DNAH6: variants seen among roughly 807,000 people sequenced by gnomAD.
DNAH6 encodes axonemal beta dynein heavy chain 6.
In DNAH6, 340 loss-of-function variants were observed where a neutral mutation model predicts 491.4. The ratio of observed to expected loss-of-function variants is 0.69; its 90% CI spans 0.63 to 0.76. The LOEUF (loss-of-function observed/expected upper bound fraction) is 0.76. DNAH6 is among the 30% of genes least tolerant of loss of function. The pLI, the probability that DNAH6 is intolerant of heterozygous loss-of-function variation, is 0.00. For synonymous variants in DNAH6, 1,603 were observed against 1,686.1 expected, an observed-to-expected ratio of 0.95 and a Z score of 1.21; for missense variants, 4,443 against 4,972.2, an observed-to-expected ratio of 0.89 and a Z score of 3.20.
At chr2:84,519,245 T>C (rs1388376665) in intron 2 of DNAH6, among the ~76,000 whole-genome samples, 1 of 151,728 alleles carries the variant, frequency 6.6e-6, no homozygotes, top group Non-Finnish European at 1.5e-5. Context: ...GGGCACCAGC[T>C]GAGGCATTGA....
chr2:84,694,856 G>A (rs559584780), intron 46 of DNAH6, among the ~76,000 whole-genome samples: 114 of 152,138 alleles, frequency 7.5e-4, no homozygotes, highest in African/African-American at 2.7e-3. Flanking sequence ...GCTATCTTTT[G>A]GGTTAAATTA....
intron 23 of DNAH6, among the ~76,000 whole-genome samples, chr2:84,618,446 G>A (rs1040691041): frequency 4.6e-5 from 7 of 152,212 alleles, no homozygotes; most frequent in Non-Finnish European, 5.9e-5. Flanking sequence ...TTACTGGAAA[G>A]AGATTCTAGA....
At chr2:84,523,620 T>C (rs572388486) in intron 2 of DNAH6, among the ~76,000 whole-genome samples, 2 of 152,256 alleles carry the variant, frequency 1.3e-5, no homozygotes, top group South Asian at 4.1e-4. Context: ...TAACACTGCC[T>C]TAACTGTGTC....
intron 11 of DNAH6, among the ~76,000 whole-genome samples, chr2:84,571,301 T>C (rs530462507): frequency 6.6e-6 from 1 of 152,108 alleles, no homozygotes; most frequent in African/African-American, 2.4e-5. Context: ...TAATAAGAAA[T>C]GGGTTATTTA....
At chr2:84,737,121 G>T (rs1464616216) in intron 62 of DNAH6, among the ~76,000 whole-genome samples, 5 of 152,074 alleles carry the variant, frequency 3.3e-5, no homozygotes. Context: ...TTTATGAGGT[G>T]AATCACATTT....
rs1156681210 is a variant in DNAH6, at chr2:84,808,542, T to C, written c.11739T>C (p.His3913=). The change falls in exon 72 of 77, where the codon CAT becomes CAC. Residue 3913 remains histidine, a splice_region_variant and synonymous_variant. Transcript: ENST00000389394. ...DRFNNLLKLI[H]TSLETLNKAI... is the part of the protein sequence containing the mutation. ...TTAACAACCTGCTGAAGTTAATTCA[T>C]GTATGAGAGCTTACTTTCATCATTG... The C allele has an allele frequency of 1.3e-6, 2 of 1,551,650 alleles. No individual in the cohort carries two copies. The highest frequency in any genetic ancestry group is 1.7e-6 in the Non-Finnish European group (2 of 1,146,916).
At chr2:84,636,855 C>T (rs1244054710) in intron 30 of DNAH6, among the ~76,000 whole-genome samples, 1 of 151,604 alleles carries the variant, frequency 6.6e-6, no homozygotes, top group Non-Finnish European at 1.5e-5. Flanking sequence ...GATCATGCCA[C>T]TTGCACCCCA....
upstream of DNAH6, among the ~76,000 whole-genome samples, chr2:84,513,621 G>T (rs75216208): frequency 2.8e-3 from 420 of 151,660 alleles, 21 homozygotes; most frequent in East Asian, 0.067. Flanking sequence ...TGTTTATTCT[G>T]CTAACTCTTG....
intron 70 of DNAH6, among the ~76,000 whole-genome samples, chr2:84,797,892 C>T (rs1446555607): frequency 1.3e-5 from 2 of 152,210 alleles, no homozygotes; most frequent in Non-Finnish European, 2.9e-5. Flanking sequence ...CCCTACATCT[C>T]CAGGCCTTCT....
intron 49 of DNAH6, among the ~76,000 whole-genome samples, chr2:84,702,372 A>G (rs1423526368): frequency 6.6e-6 from 1 of 152,212 alleles, no homozygotes; most frequent in African/African-American, 2.4e-5. Flanking sequence ...TGTCATCATC[A>G]TCATCAGGAA....
chr2:84,785,537 A>G (rs540739779), intron 66 of DNAH6, 73 bp from the exon 67 acceptor site: 1 of 1,367,058 alleles, frequency 7.3e-7, no homozygotes, highest in African/African-American at 1.5e-5. Flanking sequence ...GCTTCAGTCT[A>G]TGTGTGTTAT....
At chr2:84,676,678 A>G (rs1414518343) in intron 40 of DNAH6, among the ~76,000 whole-genome samples, 1 of 152,214 alleles carries the variant, frequency 6.6e-6, no homozygotes, top group African/African-American at 2.4e-5. Context: ...ATGAATAATG[A>G]ATATTTGTTG....
rs1284414036 is a variant in DNAH6 at position 84,713,273 on chromosome 2, G to T, written c.9543+14G>T. The T allele has an allele frequency of 2.6e-6, 4 of 1,547,788 alleles. No individual in the cohort carries two copies. In the Admixed American group the frequency reaches 6.0e-5, roughly 23 times the overall value. On this transcript the variant is annotated intron_variant, in intron 57 of 76. Coordinates refer to ENST00000389394, the MANE Select transcript of DNAH6 (RefSeq NM_001370.2). ...TATCTGCCTGAGGTATGAACTACTG[G>T]TCTGGAATTCTCAACTTAACTGGAT...
At chr2:84,597,012 C>T (rs1432727676) in intron 18 of DNAH6, among the ~76,000 whole-genome samples, 4 of 152,056 alleles carry the variant, frequency 2.6e-5, no homozygotes, top group Admixed American at 2.6e-4. Context: ...AGTAATGTAT[C>T]CAATACAATA....
At chr2:84,585,855 C>G (rs1191022531) in intron 15 of DNAH6, among the ~76,000 whole-genome samples, 1 of 152,126 alleles carries the variant, frequency 6.6e-6, no homozygotes, top group Non-Finnish European at 1.5e-5. Context: ...ACTGATTGGC[C>G]CATGGGGGAT....
At position 84,669,281 on chromosome 2, in the gene DNAH6, T is replaced by C. The variant is rs1369989071; in HGVS notation, c.6085-8T>C. 6.5e-7 allele frequency: 1 copy of C among 1,547,220 alleles called. No homozygotes were observed. The highest frequency in any genetic ancestry group is 1.2e-5 in the South Asian group (1 of 83,984). Reference sequence around the variant, plus strand: ...CTATTGAAAGTGGTGTTTAATTTTGTACTTTAGCTTCCCAATTCTGGTGAT... The same window carrying C: ...CTATTGAAAGTGGTGTTTAATTTTGCACTTTAGCTTCCCAATTCTGGTGAT... On this transcript the variant is annotated splice_region_variant and splice_polypyrimidine_tract_variant and intron_variant, in intron 37 of 76. Transcript: ENST00000389394.
the DNAH6 span, among the ~76,000 whole-genome samples, chr2:84,505,577 A>T: frequency 6.6e-6 from 1 of 151,946 alleles, no homozygotes; most frequent in Non-Finnish European, 1.5e-5. Flanking sequence ...TTATTATTAT[A>T]CTTTAAGTTT....
Position 84,525,642 on chromosome 2 carries a change from A to C in DNAH6, c.303A>C (p.Ala101=). 1 of 1,550,600 alleles carries C rather than the reference A, an allele frequency of 6.4e-7. No homozygotes were observed. Among genetic ancestry groups the C allele is most frequent in the African/African-American group, 1.4e-5 (1 of 73,128 alleles). ...AGAACCGATTTCAGTTAATGACTGC[A>C]GGAATCATTAAACGTCCAGTAAGCA... ...HEQNRFQLMT[A]GIIKRPVSIA... is the part of the protein sequence containing the mutation. Residue 101 remains alanine (A), a synonymous_variant, in exon 3 of 77, where the codon GCA becomes GCC. Transcript: ENST00000389394.
In DNAH6 at chr2:84,685,432, A is replaced by G; in HGVS notation, c.7023A>G (p.Glu2341=). 1.3e-5 allele frequency: 19 copies of G among 1,514,590 alleles called. No individual in the cohort carries two copies. Among genetic ancestry groups the G allele is most frequent in the Non-Finnish European group, 1.7e-5 (19 of 1,124,718 alleles). The allele number at this position is 1,514,590 out of a possible 1,614,324, so 93.8% of individuals were successfully genotyped here. A position where few individuals can be genotyped will look rare whatever the true frequency, so the allele number is the denominator to read the frequency against. ...TCCATGATCGCTTGATTAATAATGA[A>G]GATAAGCACTATTTCCATGTTATTC... ...RVFHDRLINN[E]DKHYFHVILT... is the part of the protein sequence containing the mutation. Residue 2341 remains glutamate (E), a synonymous_variant, in exon 43 of 77, where the codon GAA becomes GAG. Coordinates refer to ENST00000389394, the MANE Select transcript of DNAH6 (RefSeq NM_001370.2).
Sources: gnomAD v4.1 joint callset for allele counts (sites outside exome capture counted in the v4.1 genomes callset) on GRCh38, gnomAD v4.1.1 for gene constraint, MANE v1.5 for transcripts, NCBI Gene and HGNC (gene_info 2026-07-23, HGNC 2026-07-21) for gene names.